PDZD7: variants seen among roughly 807,000 people sequenced by gnomAD.
The protein encoded by PDZD7 is PDZ domain-containing protein 7.
Under a neutral mutation model 84.7 loss-of-function variants are expected in PDZD7, and 72 were observed. That is an observed-to-expected ratio of 0.85 (90% CI 0.70 to 1.03). The LOEUF is 1.03. Ranked by LOEUF, PDZD7 falls within the 50% of genes least tolerant of loss-of-function variation. PDZD7 has a pLI of 0.00. For synonymous variants in PDZD7, 594 were observed against 580.7 expected, an observed-to-expected ratio of 1.02 and a Z score of -0.33; for missense variants, 1,490 against 1,412.9, an observed-to-expected ratio of 1.05 and a Z score of -0.87.
At chr10:101,009,033 G>A (rs1351863866) in intron 16 of PDZD7, among the ~76,000 whole-genome samples, 183 bp from the exon 17 acceptor site, 1 of 152,166 alleles carries the variant, frequency 6.6e-6, no homozygotes, top group Non-Finnish European at 1.5e-5. Context: ...GCACAGACAA[G>A]GGCTCTTTGT....
At chr10:101,017,205 G>T in intron 9 of PDZD7, 1 of 172,382 alleles carries the variant, frequency 5.8e-6, no homozygotes, top group Non-Finnish European at 1.2e-5. Flanking sequence ...AACTATTTAA[G>T]GAGAAGCACT....
intron 2 of PDZD7, among the ~76,000 whole-genome samples, chr10:101,028,263 A>G (rs556736441): frequency 6.6e-6 from 1 of 152,276 alleles, no homozygotes; most frequent in African/African-American, 2.4e-5. Flanking sequence ...GGGAGAAAGC[A>G]ATCATGAAAC....
intron 6 of PDZD7, 95 bp downstream of exon 6, chr10:101,021,703 A>G (rs201457769): frequency 6.4e-7 from 1 of 1,562,618 alleles, no homozygotes. Context: ...TGGCTGTGGG[A>G]ACGTCATAAA....
rs1278915033 is a variant in PDZD7 at position 101,015,789 on chromosome 10, C to A, written c.1596G>T (p.Leu532=). Residue 532 remains leucine, a synonymous_variant, in exon 11 of 17, where the codon CTG becomes CTT. Transcript: ENST00000619208. The stretch of plus-strand genomic sequence containing the variant: ...AGGGACTCCCAGACCTGGCAGACAG[C>A]AGGGCCCGGCCCCTCTCCTGGTCTG... The part of the protein sequence containing the change: ...LRRDQERGRA[L]LSARSGSPSS... 1 of 1,549,114 alleles carries A rather than the reference C, an allele frequency of 6.5e-7. No individual in the cohort carries two copies. Among genetic ancestry groups the A allele is most frequent in the Admixed American group, 2.0e-5 (1 of 50,982 alleles).
At chr10:101,024,171 A>G in intron 2 of PDZD7, 103 bp from the exon 3 acceptor site, 2 of 1,548,514 alleles carry the variant, frequency 1.3e-6, no homozygotes, top group Non-Finnish European at 1.8e-6. Context: ...TGCTGGGCAC[A>G]GTCACACAGG....
At position 101,010,861 on chromosome 10, in the gene PDZD7, C is replaced by A. The variant is rs1360135059; in HGVS notation, c.2028G>T (p.Leu676=). The change falls in exon 15 of 17, where the codon CTG becomes CTT. Residue 676 remains leucine (L), a synonymous_variant. Coordinates refer to ENST00000619208, the MANE Select transcript of PDZD7 (RefSeq NM_001195263.2). ...PVPDSRGGFY[L]LPVNGFPEEE... Reference sequence around the variant, plus strand: ...CTTCCGGGAAGCCGTTCACCGGCAGCAGGTAGAAGCCTCCGCGGCTGTCTG... The same window carrying A: ...CTTCCGGGAAGCCGTTCACCGGCAGAAGGTAGAAGCCTCCGCGGCTGTCTG... 2 of 1,534,302 alleles carry A rather than the reference C, an allele frequency of 1.3e-6. No individual in the cohort carries two copies. Among genetic ancestry groups the A allele is most frequent in the South Asian group, 1.2e-5 (1 of 84,006 alleles).
Position 101,007,773 on chromosome 10 carries a change from C to A in PDZD7, c.*694G>T. 1 of 519,084 alleles carries A rather than the reference C, an allele frequency of 1.9e-6. No individual in the cohort carries two copies. The highest frequency in any genetic ancestry group is 2.5e-6 in the Non-Finnish European group (1 of 399,158). The allele number at this position is 519,084 out of a possible 1,614,324, so 32.2% of individuals were successfully genotyped here. A position where few individuals can be genotyped will look rare whatever the true frequency, so the allele number is the denominator to read the frequency against. On this transcript the variant is annotated 3_prime_UTR_variant, in exon 17 of 17. Coordinates refer to ENST00000619208, the MANE Select transcript of PDZD7 (RefSeq NM_001195263.2). ...CTCGTTTTCACTTGTATATTTTTCACACTGTAAATTTCTTGTACAAACCCA... is the reference window on the plus strand; with the variant it reads ...CTCGTTTTCACTTGTATATTTTTCAAACTGTAAATTTCTTGTACAAACCCA...
In PDZD7 at chr10:101,023,587, C is replaced by T. The variant is rs1853253145; in HGVS notation, c.391G>A (p.Asp131Asn). Residue 131 changes from aspartate to asparagine, a missense_variant, in exon 4 of 17, where the codon GAC becomes AAC. Coordinates refer to ENST00000619208, the MANE Select transcript of PDZD7 (RefSeq NM_001195263.2). ...AGCCCATTCACCTCCGTGATCTTGT[C>T]CCCCACGCACAGGCCAGCCCGCTCT... ...SAERAGLCVG[D>N]KITEVNGLSL... 6.2e-7 allele frequency: 1 copy of T among 1,613,124 alleles called. No homozygotes were observed. Among genetic ancestry groups the T allele is most frequent in the Non-Finnish European group, 8.5e-7 (1 of 1,180,028 alleles).
At chr10:101,027,886 T>C (rs1396431634) in intron 2 of PDZD7, among the ~76,000 whole-genome samples, 1 of 152,192 alleles carries the variant, frequency 6.6e-6, no homozygotes, top group Non-Finnish European at 1.5e-5. Context: ...ATGGTCAAAC[T>C]AGGAGAGTGA....
chr10:101,016,530 G>T (rs945105295), intron 9 of PDZD7, 103 bp from the exon 10 acceptor site: 2 of 1,281,480 alleles, frequency 1.6e-6, no homozygotes, highest in African/African-American at 3.0e-5. Context: ...CAGACTGGAA[G>T]TAGGTGGGAT....
Position 101,011,683 on chromosome 10 carries a change from G to C in PDZD7, c.2005+7C>G. 2 of 1,537,670 alleles carry C rather than the reference G, an allele frequency of 1.3e-6. No homozygotes were observed. The highest frequency in any genetic ancestry group is 8.7e-7 in the Non-Finnish European group (1 of 1,146,738). ...GCCCCTCCCTGGGCTCTGGGACTCTGACTGACCAGGCACGGGGGTGATAAG... is the reference window on the plus strand; with the variant it reads ...GCCCCTCCCTGGGCTCTGGGACTCTCACTGACCAGGCACGGGGGTGATAAG... On this transcript the variant is annotated splice_region_variant and intron_variant, in intron 14 of 16. Coordinates refer to ENST00000619208, the MANE Select transcript of PDZD7 (RefSeq NM_001195263.2).
chr10:101,022,677 C>T (rs549164657), intron 4 of PDZD7, among the ~76,000 whole-genome samples: 72 of 151,982 alleles, frequency 4.7e-4, no homozygotes, highest in African/African-American at 1.7e-3. Context: ...CTCACTGCAG[C>T]CTCAACCTCC....
chr10:101,022,156 TC>T, intron 5 of PDZD7, 52 bp downstream of exon 5: 1 of 1,606,786 alleles, frequency 6.2e-7, no homozygotes, highest in Non-Finnish European at 8.5e-7. Context: ...TAGGCCCCAC[TC>T]CAGACCCCAT....
In PDZD7 at chr10:101,010,788, A is replaced by G. The variant is rs747880894; in HGVS notation, c.2101T>C (p.Ser701Pro). 7.2e-6 allele frequency: 11 copies of G among 1,535,396 alleles called. No homozygotes were observed. The South Asian group carries it at 1.2e-4, about 17-fold the overall frequency. ...TGGCGAGGGGCAGAGGCACTTGGGG[A>G]GACCTTGAGGGCCCCCAGCCGCTCC... Reference protein sequence around the residue: ...LRERLGALKVSPSASAPRHPH... With the variant: ...LRERLGALKVPPSASAPRHPH... Residue 701 changes from serine (S) to proline (P), a missense_variant, in exon 15 of 17, where the codon TCC (serine) becomes CCC (proline). Transcript: ENST00000619208.
rs546907305 is a variant in PDZD7, at chr10:101,011,953, C to G, written c.1905G>C (p.Glu635Asp). The G allele has an allele frequency of 2.6e-6, 4 of 1,550,290 alleles. No homozygotes were observed. The highest frequency in any genetic ancestry group is 4.9e-5 in the East Asian group (2 of 40,932). ...CCCTGCTCTTGAGGGCCTCAAAAGCCTCCAGCTCCACAAGCATCACCATGC... is the reference window on the plus strand; with the variant it reads ...CCCTGCTCTTGAGGGCCTCAAAAGCGTCCAGCTCCACAAGCATCACCATGC... ...FDSMVMLVELEAFEALKSRAV... is the reference protein window; with the variant it reads ...FDSMVMLVELDAFEALKSRAV... The change falls in exon 13 of 17, where the codon GAG becomes GAC. Residue 635 changes from glutamate (E) to aspartate (D), a missense_variant. Coordinates refer to ENST00000619208, the MANE Select transcript of PDZD7 (RefSeq NM_001195263.2).
intron 11 of PDZD7, among the ~76,000 whole-genome samples, chr10:101,013,690 T>A (rs886641749): frequency 6.6e-6 from 1 of 152,158 alleles, no homozygotes; most frequent in Non-Finnish European, 1.5e-5. Context: ...TATAAACCTA[T>A]GCGGCGGCCG....
intron 11 of PDZD7, among the ~76,000 whole-genome samples, chr10:101,013,670 T>C (rs374411080): frequency 1.2e-4 from 18 of 152,078 alleles, no homozygotes; most frequent in South Asian, 8.3e-4. Flanking sequence ...GTTGTGCAGG[T>C]TGTAACCTGT....
At chr10:101,016,320 A>G in intron 10 of PDZD7, 57 bp downstream of exon 10, 1 of 1,531,774 alleles carries the variant, frequency 6.5e-7, no homozygotes, top group East Asian at 2.4e-5. Flanking sequence ...CCCAGTATGC[A>G]CCCTCATCTG....
chr10:101,020,397 C>T (rs567079097), intron 7 of PDZD7, among the ~76,000 whole-genome samples: 3 of 152,270 alleles, frequency 2.0e-5, no homozygotes, highest in South Asian at 2.1e-4. Flanking sequence ...TGAGCCATCG[C>T]GGCCGGCTTA....
Sources: gnomAD v4.1 joint callset for allele counts (sites outside exome capture counted in the v4.1 genomes callset) on GRCh38, gnomAD v4.1.1 for gene constraint, MANE v1.5 for transcripts, NCBI Gene and HGNC (gene_info 2026-07-23, HGNC 2026-07-21) for gene names.